The following IL1RAPL2 variants were observed in gnomAD, a reference collection of about 807,000 sequenced individuals.
IL1RAPL2 encodes the protein interleukin 1 receptor accessory protein like 2, also known as X-linked interleukin-1 receptor accessory protein-like 2.
A neutral mutation model predicts 44.1 loss-of-function variants in IL1RAPL2; 3 were observed. The observed-to-expected ratio is 0.07, with a 90% CI of 0.03 to 0.18. The LOEUF is 0.18. Ranked by LOEUF, IL1RAPL2 falls within the 10% of genes least tolerant of loss-of-function variation. The pLI, the probability that IL1RAPL2 is intolerant of heterozygous loss-of-function variation, is 1.00. For synonymous variants in IL1RAPL2, 181 were observed against 178.8 expected, an observed-to-expected ratio of 1.01 and a Z score of -0.10; for missense variants, 391 against 496.4, an observed-to-expected ratio of 0.79 and a Z score of 2.02.
intron 6 of IL1RAPL2, among the ~76,000 whole-genome samples, chrX:105,525,498 T>C (rs1293694821): frequency 9.0e-6 from 1 of 111,503 alleles, no homozygotes; most frequent in Non-Finnish European, 1.9e-5. Flanking sequence ...CTCTTTATTT[T>C]TCCAGATTTA....
At chrX:105,265,276 A>G (rs193115216) in intron 4 of IL1RAPL2, among the ~76,000 whole-genome samples, 2 of 112,087 alleles carry the variant, frequency 1.8e-5, no homozygotes, top group Admixed American at 9.5e-5. Flanking sequence ...CAGAGGGACC[A>G]TATTTTTGTT....
At chrX:105,680,959 G>C (rs939693517) in intron 6 of IL1RAPL2, among the ~76,000 whole-genome samples, 1 of 112,051 alleles carries the variant, frequency 8.9e-6, no homozygotes, top group African/African-American at 3.2e-5. Context: ...AGAATGGATA[G>C]CCACGTAGAA....
rs191489307 is a variant in IL1RAPL2, at chrX:105,542,654, A to G, written c.772+58267A>G. Among the ~76,000 whole-genome samples the G allele has an allele frequency of 4.0e-3, 429 of 106,282 alleles. 1 individual carries two copies. Among genetic ancestry groups the G allele is most frequent in the Non-Finnish European group, 6.5e-3 (341 of 52,118 alleles). The allele number at this position is 106,282 out of a possible 115,157, so 92.3% of individuals were successfully genotyped here. A position where few individuals can be genotyped will look rare whatever the true frequency, so the allele number is the denominator to read the frequency against. Reference sequence around the variant, plus strand: ...GTCATTTAATCCTCACAACAATCCTATAAAATAGATTCTCTTTTTTTTTTA... The same window carrying G: ...GTCATTTAATCCTCACAACAATCCTGTAAAATAGATTCTCTTTTTTTTTTA... On this transcript the variant is annotated intron_variant, in intron 6 of 10. Transcript: ENST00000372582.
At chrX:105,755,453 T>C (rs1170100626) in intron 10 of IL1RAPL2, 106 bp downstream of exon 10, 3 of 571,513 alleles carry the variant, frequency 5.2e-6, no homozygotes, top group East Asian at 7.2e-5. Context: ...TTTCTCACAG[T>C]AGAGTTTCTT....
intron 5 of IL1RAPL2, among the ~76,000 whole-genome samples, chrX:105,404,682 G>C (rs937887250): frequency 4.5e-5 from 5 of 111,228 alleles, no homozygotes; most frequent in Non-Finnish European, 7.5e-5. Flanking sequence ...CAAATATATA[G>C]GAAAGGATCC....
intron 7 of IL1RAPL2, among the ~76,000 whole-genome samples, chrX:105,734,746 T>C (rs1429822609): frequency 9.0e-6 from 1 of 111,324 alleles, no homozygotes; most frequent in African/African-American, 3.3e-5. Flanking sequence ...TTTAAAATGG[T>C]CACTTTTCCC....
intron 6 of IL1RAPL2, among the ~76,000 whole-genome samples, chrX:105,596,654 G>A (rs1401245111): frequency 8.9e-6 from 1 of 111,732 alleles, no homozygotes; most frequent in Non-Finnish European, 1.9e-5. Context: ...GGAATGTTAT[G>A]TATATGCCTG....
intron 2 of IL1RAPL2, among the ~76,000 whole-genome samples, chrX:104,889,303 A>G (rs778219636): frequency 2.8e-4 from 31 of 111,659 alleles, no homozygotes; most frequent in Non-Finnish European, 3.2e-4. Context: ...TAGTCGATAC[A>G]AAACGGTGTT....
intron 2 of IL1RAPL2, among the ~76,000 whole-genome samples, chrX:105,109,441 T>A (rs769387302): frequency 8.9e-6 from 1 of 112,535 alleles, no homozygotes; most frequent in African/African-American, 3.2e-5. Context: ...TAATAATGTA[T>A]TGATTCATTA....
At chrX:104,648,889 G>T (rs1930096410) in intron 1 of IL1RAPL2, among the ~76,000 whole-genome samples, 1 of 111,435 alleles carries the variant, frequency 9.0e-6, no homozygotes, top group Non-Finnish European at 1.9e-5. Flanking sequence ...AAATCAAAAA[G>T]AAACCCTATA....
chrX:105,364,383 A>G (rs1243483657), intron 5 of IL1RAPL2, among the ~76,000 whole-genome samples: 3 of 110,960 alleles, frequency 2.7e-5, no homozygotes, highest in Non-Finnish European at 5.7e-5. Flanking sequence ...TTTATGCTAG[A>G]GATTGCTTTG....
intron 2 of IL1RAPL2, among the ~76,000 whole-genome samples, chrX:104,922,903 A>G (rs1321466375): frequency 2.7e-5 from 3 of 111,864 alleles, no homozygotes; most frequent in African/African-American, 9.7e-5. Flanking sequence ...GAGAACCAAC[A>G]CAAAGAAATC....
At chrX:105,043,073 T>C (rs1371890358) in intron 2 of IL1RAPL2, among the ~76,000 whole-genome samples, 4 of 61,210 alleles carry the variant, frequency 6.5e-5, no homozygotes, top group Non-Finnish European at 8.4e-5. Context: ...CTCTGGGGAC[T>C]GTTGTGGGGT....
chrX:104,724,862 C>T (rs1297069513), intron 2 of IL1RAPL2, among the ~76,000 whole-genome samples: 2 of 111,140 alleles, frequency 1.8e-5, no homozygotes, highest in East Asian at 5.7e-4. Flanking sequence ...TCTGGGTTCT[C>T]TAGTCTATTC....
chrX:105,361,971 C>T (rs2035251317), intron 5 of IL1RAPL2, among the ~76,000 whole-genome samples: 1 of 111,212 alleles, frequency 9.0e-6, no homozygotes, highest in South Asian at 3.8e-4. Context: ...TGTATGATAC[C>T]CATCCACTCT....
chrX:105,361,834 AT>A (rs1227335128), intron 5 of IL1RAPL2, among the ~76,000 whole-genome samples: 1 of 111,686 alleles, frequency 9.0e-6, no homozygotes, highest in African/African-American at 3.2e-5. Flanking sequence ...GGGTTATGTG[AT>A]TGTTTAAGGT....
At chrX:104,799,070 A>C (rs182646404) in intron 2 of IL1RAPL2, among the ~76,000 whole-genome samples, 1 of 111,200 alleles carries the variant, frequency 9.0e-6, no homozygotes, top group African/African-American at 3.3e-5. Flanking sequence ...TGAAGGAGGT[A>C]CTGTTGTTAT....
At chrX:105,446,586 A>T (rs966820045) in intron 5 of IL1RAPL2, among the ~76,000 whole-genome samples, 1 of 110,365 alleles carries the variant, frequency 9.1e-6, no homozygotes, top group African/African-American at 3.3e-5. Flanking sequence ...TGAGATTACG[A>T]TGAGGCCTGC....
At chrX:105,190,645 G>T (rs2033625318) in intron 2 of IL1RAPL2, among the ~76,000 whole-genome samples, 1 of 111,278 alleles carries the variant, frequency 9.0e-6, no homozygotes, top group Non-Finnish European at 1.9e-5. Context: ...CCTAACAAGG[G>T]ATTTCCAATT....
Sources: gnomAD v4.1 joint callset for allele counts (sites outside exome capture counted in the v4.1 genomes callset) on GRCh38, gnomAD v4.1.1 for gene constraint, MANE v1.5 for transcripts, NCBI Gene and HGNC (gene_info 2026-07-23, HGNC 2026-07-21) for gene names.